The following GRID2 variants were observed in gnomAD, a reference collection of about 807,000 sequenced individuals.
GRID2 encodes the protein glutamate receptor ionotropic, delta-2.
Under a neutral mutation model 114.8 loss-of-function variants are expected in GRID2, and 33 were observed. That is an observed-to-expected ratio of 0.29 (90% CI 0.22 to 0.38). GRID2 has a LOEUF of 0.38. GRID2 is among the 10% of genes least tolerant of loss of function. GRID2 has a pLI of 1.00. For missense variants in GRID2, 1,184 were observed against 1,257.7 expected, an observed-to-expected ratio of 0.94 and a Z score of 0.89; for synonymous variants, 505 against 449.9, an observed-to-expected ratio of 1.12 and a Z score of -1.55.
chr4:92,901,335 G>T (rs1400862487), intron 2 of GRID2, among the ~76,000 whole-genome samples: 1 of 152,112 alleles, frequency 6.6e-6, no homozygotes, highest in Non-Finnish European at 1.5e-5. Context: ...GTGGTGCTGA[G>T]CAATTTTTCA....
intron 2 of GRID2, among the ~76,000 whole-genome samples, chr4:92,617,575 G>A (rs1730061796): frequency 6.6e-6 from 1 of 151,620 alleles, no homozygotes; most frequent in Non-Finnish European, 1.5e-5. Flanking sequence ...GCATGGTAAT[G>A]TATTGTGTAC....
At chr4:93,206,065 T>TATA (rs960602542) in intron 4 of GRID2, among the ~76,000 whole-genome samples, 1 of 151,756 alleles carries the variant, frequency 6.6e-6, no homozygotes, top group Non-Finnish European at 1.5e-5. Context: ...AAACTTAAAG[T>TATA]ATAATAATAA....
chr4:92,621,175 C>T (rs1441466629), intron 2 of GRID2, among the ~76,000 whole-genome samples: 2 of 151,594 alleles, frequency 1.3e-5, no homozygotes, highest in African/African-American at 4.8e-5. Flanking sequence ...ACCCAGCATC[C>T]ATTAGCTATT....
chr4:92,869,816 A>C (rs928857862), intron 2 of GRID2, among the ~76,000 whole-genome samples: 2 of 152,134 alleles, frequency 1.3e-5, no homozygotes, highest in Non-Finnish European at 2.9e-5. Flanking sequence ...CTCATCATTC[A>C]AGTCTCTCCT....
chr4:92,749,986 C>T (rs902827684), intron 2 of GRID2, among the ~76,000 whole-genome samples: 1 of 151,998 alleles, frequency 6.6e-6, no homozygotes, highest in Admixed American at 6.6e-5. Flanking sequence ...CTCAGCCTCC[C>T]GAGTAGCTGG....
intron 1 of GRID2, among the ~76,000 whole-genome samples, chr4:92,582,744 T>C (rs990708002): frequency 6.6e-6 from 1 of 151,822 alleles, no homozygotes; most frequent in Admixed American, 6.6e-5. Flanking sequence ...ACAGTGATAG[T>C]ATAGTTTCTC....
chr4:93,645,430 C>T (rs1578468239), intron 14 of GRID2, among the ~76,000 whole-genome samples: 2 of 151,934 alleles, frequency 1.3e-5, no homozygotes, highest in Admixed American at 6.6e-5. Context: ...GAGGCTGGAG[C>T]GATGGTTATT....
At chr4:92,889,068 T>TA (rs1746566867) in intron 2 of GRID2, among the ~76,000 whole-genome samples, 1 of 152,182 alleles carries the variant, frequency 6.6e-6, no homozygotes, top group South Asian at 2.1e-4. Context: ...CAGTATGTTT[T>TA]ACATGGCCTG....
chr4:92,825,220 C>T (rs563096255), intron 2 of GRID2, among the ~76,000 whole-genome samples: 4 of 151,904 alleles, frequency 2.6e-5, no homozygotes, highest in Non-Finnish European at 4.4e-5. Flanking sequence ...AGAACCTTTG[C>T]GCAAATTACA....
At chr4:92,653,595 A>C (rs1732082272) in intron 2 of GRID2, among the ~76,000 whole-genome samples, 1 of 151,988 alleles carries the variant, frequency 6.6e-6, no homozygotes, top group Admixed American at 6.6e-5. Context: ...CTTTTCTATC[A>C]AATATATTTT....
intron 2 of GRID2, among the ~76,000 whole-genome samples, chr4:92,837,511 T>C: frequency 6.6e-6 from 1 of 151,350 alleles, no homozygotes; most frequent in East Asian, 1.9e-4. Flanking sequence ...ACATTTTTAC[T>C]CATCAAATGT....
chr4:92,922,296 G>C (rs181227770), intron 2 of GRID2, among the ~76,000 whole-genome samples: 39 of 152,188 alleles, frequency 2.6e-4, no homozygotes, highest in African/African-American at 8.9e-4. Context: ...GCGCTTCCCT[G>C]GTGAGGCAAT....
At chr4:93,126,610 T>C (rs1187204427) in intron 4 of GRID2, among the ~76,000 whole-genome samples, 1 of 128,830 alleles carries the variant, frequency 7.8e-6, no homozygotes, top group Admixed American at 8.0e-5. Context: ...TTTTTTTTTT[T>C]TTTTTGAGAC....
At chr4:92,534,842 CA>C (rs1725532884) in intron 1 of GRID2, among the ~76,000 whole-genome samples, 1 of 151,982 alleles carries the variant, frequency 6.6e-6, no homozygotes, top group African/African-American at 2.4e-5. Context: ...GAGTATATTT[CA>C]ATGAAAGTAG....
chr4:93,462,806 T>C (rs1268300960), intron 11 of GRID2, among the ~76,000 whole-genome samples: 1 of 152,224 alleles, frequency 6.6e-6, no homozygotes, highest in East Asian at 1.9e-4. Flanking sequence ...TGGAATGCAG[T>C]AGCTAAAGCC....
chr4:93,541,960 A>G (rs534420676), intron 13 of GRID2, among the ~76,000 whole-genome samples: 5 of 152,272 alleles, frequency 3.3e-5, no homozygotes, highest in African/African-American at 1.2e-4. Context: ...TTTCCTGGGA[A>G]TATTATATTT....
At chr4:93,348,655 A>G (rs1760482373) in intron 8 of GRID2, among the ~76,000 whole-genome samples, 1 of 152,158 alleles carries the variant, frequency 6.6e-6, no homozygotes, top group South Asian at 2.1e-4. Context: ...AATTTGGGGG[A>G]CATTGGCACT....
chr4:92,439,000 C>T (rs1275001051), intron 1 of GRID2, among the ~76,000 whole-genome samples: 4 of 152,090 alleles, frequency 2.6e-5, no homozygotes, highest in Non-Finnish European at 5.9e-5. Context: ...TTTGTGTGAG[C>T]AACATGGCTG....
chr4:93,311,120 G>A lies in GRID2; in HGVS notation c.1245+72630G>A, dbSNP rs146180984. 4.7e-3 allele frequency among the ~76,000 whole-genome samples: 712 copies of A among 152,230 alleles called. 1 individual carries two copies. Among genetic ancestry groups the A allele is most frequent in the Non-Finnish European group, 7.0e-3 (479 of 68,002 alleles). On this transcript the variant is annotated intron_variant, in intron 8 of 15. Transcript: ENST00000282020. ...AAGGGATGGAACTGAATTCCTGTACGGCTGCTCCCCACTTGAAAAGCCAGA... is the reference window on the plus strand; with the variant it reads ...AAGGGATGGAACTGAATTCCTGTACAGCTGCTCCCCACTTGAAAAGCCAGA...
Sources: gnomAD v4.1 joint callset for allele counts (sites outside exome capture counted in the v4.1 genomes callset) on GRCh38, gnomAD v4.1.1 for gene constraint, MANE v1.5 for transcripts, NCBI Gene and HGNC (gene_info 2026-07-23, HGNC 2026-07-21) for gene names.